Variants in CNTN5 observed in about 807,000 individuals in gnomAD.
CNTN5 encodes the protein contactin-5.
Under a neutral mutation model 129.1 loss-of-function variants are expected in CNTN5, and 77 were observed. The observed-to-expected ratio is 0.60, with a 90% confidence interval of 0.50 to 0.72. CNTN5 has a LOEUF of 0.72. Among genes scored for constraint, CNTN5 ranks in the 30% least tolerant of loss-of-function variants. The pLI is 0.00. For missense variants in CNTN5, 1,478 were observed against 1,328.8 expected (o/e 1.11, Z -1.75); for synonymous variants, 509 against 465.6 (o/e 1.09, Z -1.20).
chr11:100,192,906 T>C (rs1197260184), intron 14 of CNTN5, among the ~76,000 whole-genome samples: 3 of 151,982 alleles, frequency 2.0e-5, no homozygotes, highest in Admixed American at 2.0e-4. Context: ...CAAAAACAGG[T>C]ACGTTCTTCT....
At chr11:99,649,910 C>T (rs961683319) in intron 3 of CNTN5, among the ~76,000 whole-genome samples, 2 of 151,672 alleles carry the variant, frequency 1.3e-5, no homozygotes, top group Admixed American at 6.6e-5. Context: ...TGAGTCTTTA[C>T]AGCAAACCTA....
At chr11:99,974,465 G>A (rs1350591292) in intron 8 of CNTN5, among the ~76,000 whole-genome samples, 1 of 152,124 alleles carries the variant, frequency 6.6e-6, no homozygotes, top group African/African-American at 2.4e-5. Flanking sequence ...AATATTACCA[G>A]AAATCAAATT....
intron 15 of CNTN5, among the ~76,000 whole-genome samples, chr11:100,221,910 A>G (rs1156384185): frequency 1.3e-5 from 2 of 152,210 alleles, no homozygotes; most frequent in Non-Finnish European, 2.9e-5. Context: ...TAAGAAAGCA[A>G]GCATCTGCTT....
rs117068567 is a variant in CNTN5 at position 99,901,571 on chromosome 11, G to A, written c.578-14483G>A. 3.3e-4 allele frequency among the ~76,000 whole-genome samples: 50 copies of A among 152,170 alleles called. No homozygotes were observed. The East Asian group carries it at 7.5e-3, about 23-fold the overall frequency. The stretch of plus-strand genomic sequence containing the variant: ...GCCTCCCAAAGTGCTGTGATTACAG[G>A]CACGAGCCACCATGCCTGACCTGGT... On this transcript the variant is annotated intron_variant, in intron 6 of 24. Coordinates refer to ENST00000524871, the MANE Select transcript of CNTN5 (RefSeq NM_014361.4).
intron 1 of CNTN5, among the ~76,000 whole-genome samples, chr11:99,268,387 A>G (rs979658775): frequency 6.6e-6 from 1 of 151,858 alleles, no homozygotes; most frequent in Non-Finnish European, 1.5e-5. Context: ...TATTTTTAAT[A>G]AAATTGAAAA....
intron 3 of CNTN5, among the ~76,000 whole-genome samples, chr11:99,570,769 A>T (rs947461125): frequency 6.6e-6 from 1 of 152,184 alleles, no homozygotes; most frequent in African/African-American, 2.4e-5. Flanking sequence ...AATTAAATGG[A>T]ATAAAATGAT....
chr11:100,110,127 C>T (rs1315167996), intron 13 of CNTN5, among the ~76,000 whole-genome samples: 1 of 149,470 alleles, frequency 6.7e-6, no homozygotes, highest in Non-Finnish European at 1.5e-5. Flanking sequence ...GTGGAGGTTG[C>T]AGTGAGCAGA....
At chr11:99,632,461 G>A (rs1206472698) in intron 3 of CNTN5, among the ~76,000 whole-genome samples, 5 of 152,024 alleles carry the variant, frequency 3.3e-5, no homozygotes. Flanking sequence ...TGACTCCAAA[G>A]GCCCAGGATT....
chr11:99,793,707 A>G (rs549784460), intron 3 of CNTN5, among the ~76,000 whole-genome samples: 41 of 152,306 alleles, frequency 2.7e-4, no homozygotes, highest in African/African-American at 9.6e-4. Flanking sequence ...GCAGCTGCTT[A>G]ATTTTCATGT....
intron 13 of CNTN5, among the ~76,000 whole-genome samples, chr11:100,140,036 A>G (rs534265974): frequency 6.6e-6 from 1 of 152,260 alleles, no homozygotes; most frequent in South Asian, 2.1e-4. Context: ...GTGTCATGAT[A>G]AGTTATCAAG....
intron 7 of CNTN5, among the ~76,000 whole-genome samples, chr11:99,919,920 G>T (rs1247448274): frequency 2.0e-5 from 3 of 151,756 alleles, no homozygotes; most frequent in African/African-American, 4.8e-5. Flanking sequence ...ATCCCAAAGT[G>T]CTGGGATTAT....
chr11:99,577,600 T>G (rs888713299), intron 3 of CNTN5, among the ~76,000 whole-genome samples: 7 of 152,142 alleles, frequency 4.6e-5, no homozygotes, highest in Non-Finnish European at 1.0e-4. Flanking sequence ...AGATGATTAT[T>G]TTTCCATTGA....
At chr11:99,708,468 T>TAAATAA (rs1395299977) in intron 3 of CNTN5, among the ~76,000 whole-genome samples, 1 of 151,702 alleles carries the variant, frequency 6.6e-6, no homozygotes, top group Non-Finnish European at 1.5e-5. Flanking sequence ...AAGACCAAAG[T>TAAATAA]AAATAAAAAT....
intron 18 of CNTN5, among the ~76,000 whole-genome samples, chr11:100,285,405 G>C (rs1950756659): frequency 6.6e-6 from 1 of 152,130 alleles, no homozygotes; most frequent in Admixed American, 6.6e-5. Context: ...GGAGAGTCAA[G>C]AGAATGTTTT....
chr11:99,487,114 A>G (rs1262098184), intron 2 of CNTN5, among the ~76,000 whole-genome samples: 1 of 152,218 alleles, frequency 6.6e-6, no homozygotes, highest in Non-Finnish European at 1.5e-5. Flanking sequence ...TAAGTTCTAC[A>G]TAGGTTCTGA....
chr11:99,871,441 A>G (rs1342246797), intron 6 of CNTN5, among the ~76,000 whole-genome samples: 1 of 152,046 alleles, frequency 6.6e-6, no homozygotes, highest in Non-Finnish European at 1.5e-5. Flanking sequence ...ATTAACTTGG[A>G]AAAAATGATT....
At chr11:99,272,095 A>C (rs376270899) in intron 1 of CNTN5, among the ~76,000 whole-genome samples, 1 of 151,902 alleles carries the variant, frequency 6.6e-6, no homozygotes, top group Non-Finnish European at 1.5e-5. Context: ...TTATGATATA[A>C]GGGTTTTAAT....
intron 2 of CNTN5, among the ~76,000 whole-genome samples, chr11:99,409,571 T>G (rs773819172): frequency 3.3e-5 from 5 of 152,232 alleles, no homozygotes; most frequent in Non-Finnish European, 5.9e-5. Flanking sequence ...CAGATAAAAA[T>G]AAATCATGAA....
chr11:99,765,518 C>T (rs1177214228), intron 3 of CNTN5, among the ~76,000 whole-genome samples: 2 of 151,790 alleles, frequency 1.3e-5, no homozygotes, highest in African/African-American at 2.4e-5. Context: ...AGATTAAAAA[C>T]TCAGAACATT....
Sources: allele counts gnomAD v4.1 joint callset (sites outside exome capture counted in the v4.1 genomes callset), GRCh38; gene constraint gnomAD v4.1.1; transcripts MANE v1.5; gene names NCBI Gene and HGNC (gene_info 2026-07-23, HGNC 2026-07-21).